Variants in TSSK3 observed in about 807,000 individuals in gnomAD.
TSSK3 encodes testis specific serine kinase 3, also known as testis-specific serine/threonine-protein kinase 3.
TSSK3 carries 16 observed loss-of-function variants against 18.9 expected under a neutral mutation model. The ratio of observed to expected loss-of-function variants is 0.85; its 90% CI spans 0.57 to 1.28. The LOEUF (loss-of-function observed/expected upper bound fraction) is 1.28. Ranked by LOEUF, TSSK3 falls within the 50% of genes most tolerant of loss-of-function variation. The probability of loss-of-function intolerance (pLI) is 0.00; values close to 1 mark genes in which losing one functional copy is unlikely to be tolerated. For synonymous variants in TSSK3, 146 were observed against 133.9 expected (o/e 1.09, Z -0.62); for missense variants, 345 against 341.0 (o/e 1.01, Z -0.09).
At chr1:32,363,349 C>T in intron 1 of TSSK3, 2 of 524,132 alleles carry the variant, frequency 3.8e-6, no homozygotes, top group Non-Finnish European at 6.8e-6. Flanking sequence ...TCCAGTCTCA[C>T]AGACTGCTCA....
rs1170625631 is a variant in TSSK3 at position 32,363,712 on chromosome 1, T to C, written c.263T>C (p.Met88Thr). The part of the protein sequence containing the change: ...ESADGKICLV[M>T]ELAEGGDVFD... ...GCCGACGGGAAAATCTGCCTGGTGATGGAGCTCGCTGAGGGAGGGGATGTC... is the reference window on the plus strand; with the variant it reads ...GCCGACGGGAAAATCTGCCTGGTGACGGAGCTCGCTGAGGGAGGGGATGTC... The change falls in exon 2 of 2, where the codon ATG becomes ACG. Residue 88 changes from methionine (M) to threonine (T), a missense_variant. Coordinates refer to ENST00000373534, the MANE Select transcript of TSSK3 (RefSeq NM_052841.4). 1.2e-6 allele frequency: 2 copies of C among 1,614,042 alleles called. No homozygotes were observed. Among genetic ancestry groups the C allele is most frequent in the Non-Finnish European group, 1.7e-6 (2 of 1,179,998 alleles).
rs1353838384 is a variant in TSSK3, at chr1:32,363,642, C to G, written c.193C>G (p.Leu65Val). ...TCGGGAGCTCCAAATCGTCCGTACC[C>G]TGGACCACAAGAACATCATCCAGGT... is the stretch of plus-strand genomic sequence containing the variant. ...LPRELQIVRT[L>V]DHKNIIQVYE... Residue 65 changes from leucine to valine, a missense_variant, in exon 2 of 2, where the codon CTG becomes GTG. Physicochemically the swap from Leu to Val is conservative, Grantham distance 32. Coordinates refer to ENST00000373534, the MANE Select transcript of TSSK3 (RefSeq NM_052841.4). 1 of 1,614,194 alleles carries G rather than the reference C, an allele frequency of 6.2e-7. No individual in the cohort carries two copies. The highest frequency in any genetic ancestry group is 1.1e-5 in the South Asian group (1 of 91,074).
rs139868073 is a variant in TSSK3, at chr1:32,363,839, G to A, written c.390G>A (p.Val130=). 6 of 1,614,018 alleles carry A rather than the reference G, an allele frequency of 3.7e-6. No individual in the cohort carries two copies. The African/African-American group carries it at 8.0e-5, about 22-fold the overall frequency. ...TCCGCTACTGCCATGGCTGTGGTGTGGCCCACCGGGACCTCAAATGTGAGA... is the reference window on the plus strand; with the variant it reads ...TCCGCTACTGCCATGGCTGTGGTGTAGCCCACCGGGACCTCAAATGTGAGA... ...EAIRYCHGCG[V]AHRDLKCENA... The change falls in exon 2 of 2, where the codon GTG becomes GTA. Residue 130 remains valine (V), a synonymous_variant. Coordinates refer to ENST00000373534, the MANE Select transcript of TSSK3 (RefSeq NM_052841.4).
intron 1 of TSSK3, 93 bp from the exon 2 acceptor site, chr1:32,363,502 C>A: frequency 8.0e-7 from 1 of 1,255,428 alleles, no homozygotes; most frequent in African/African-American, 1.5e-5. Flanking sequence ...AAGACCCAGA[C>A]AAGGTGGGCA....
chr1:32,362,788 CA>C lies in TSSK3; in HGVS notation c.93del (p.Lys31AsnfsTer11), dbSNP rs1268890347. On this transcript the variant is annotated frameshift_variant, in exon 1 of 2. Transcript: ENST00000373534. LOFTEE classifies it high-confidence loss of function. ...ACTCAAAAGTCAAAGAAGCATTTTC[CA>C]AAAAACACCAAAGAAAAGTGGCAAT... Reference protein sequence around the residue: ...TYSKVKEAFSKKHQRKVAIKV... With the variant: ...TYSKVKEAFSXKHQRKVAIKV... 8 of 1,613,936 alleles carry C rather than the reference CA, an allele frequency of 5.0e-6. No individual in the cohort carries two copies. In the Admixed American group the frequency reaches 6.7e-5, roughly 13 times the overall value.
chr1:32,363,796 G>C lies in TSSK3; in HGVS notation c.347G>C (p.Arg116Pro), dbSNP rs774698904. The C allele has an allele frequency of 2.8e-5, 45 of 1,614,104 alleles. No homozygotes were observed. The highest frequency in any genetic ancestry group is 3.7e-5 in the Non-Finnish European group (44 of 1,180,058). The change falls in exon 2 of 2, where the codon CGT becomes CCT. Residue 116 changes from arginine (R) to proline (P), a missense_variant. Physicochemically the swap from Arg to Pro is moderately radical, Grantham distance 103. Transcript: ENST00000373534. ...LPESRAKALFRQMVEAIRYCH... is the reference protein window; with the variant it reads ...LPESRAKALFPQMVEAIRYCH... ...GAAAGCCGGGCCAAGGCCCTCTTCC[G>C]TCAGATGGTTGAGGCCATCCGCTAC... is the stretch of plus-strand genomic sequence containing the variant.
rs1393495244 is a variant in TSSK3 at position 32,363,934 on chromosome 1, A to T, written c.485A>T (p.His162Leu). Residue 162 changes from histidine (H) to leucine (L), a missense_variant, in exon 2 of 2, where the codon CAC becomes CTC. Physicochemically the swap from His to Leu is moderately conservative, Grantham distance 99. Transcript: ENST00000373534. Reference protein sequence around the residue: ...FGFAKVLPKSHRELSQTFCGS... With the variant: ...FGFAKVLPKSLRELSQTFCGS... The stretch of plus-strand genomic sequence containing the variant: ...TTTGCCAAGGTGTTGCCCAAGTCAC[A>T]CCGGGAGCTGAGCCAGACCTTCTGC... 1.9e-6 allele frequency: 3 copies of T among 1,614,226 alleles called. No individual in the cohort carries two copies. The South Asian group carries it at 3.3e-5, about 18-fold the overall frequency.
Position 32,364,149 on chromosome 1 carries a change from A to G in TSSK3, c.700A>G (p.Ile234Val). ...GGTGTCCTTCCCCACTCATCTGAGC[A>G]TCTCGGCCGATTGCCAGGACCTGCT... is the stretch of plus-strand genomic sequence containing the variant. ...KGVSFPTHLS[I>V]SADCQDLLKR... Residue 234 changes from isoleucine to valine, a missense_variant, in exon 2 of 2, where the codon ATC becomes GTC. Physicochemically the swap from Ile to Val is conservative, Grantham distance 29. Transcript: ENST00000373534. The G allele has an allele frequency of 2.0e-5, 32 of 1,614,194 alleles. No individual in the cohort carries two copies. Among genetic ancestry groups the G allele is most frequent in the Non-Finnish European group, 2.5e-5 (30 of 1,180,026 alleles).
chr1:32,364,226 T>C lies in TSSK3; in HGVS notation c.777T>C (p.Val259=). The C allele has an allele frequency of 6.2e-6, 10 of 1,603,044 alleles. No individual in the cohort carries two copies. The highest frequency in any genetic ancestry group is 7.7e-6 in the Non-Finnish European group (9 of 1,171,074). ...TCCTCCGGCCTTCAATTGAAGAAGT[T>C]AGTTGGCATCCATGGCTAGCAAGCA... The part of the protein sequence containing the change: ...DMILRPSIEE[V]SWHPWLAST Residue 259 remains valine, a synonymous_variant, in exon 2 of 2, where the codon GTT becomes GTC. Coordinates refer to ENST00000373534, the MANE Select transcript of TSSK3 (RefSeq NM_052841.4).
intron 1 of TSSK3, 68 bp downstream of exon 1, chr1:32,362,914 T>G: frequency 6.4e-7 from 1 of 1,560,240 alleles, no homozygotes; most frequent in Non-Finnish European, 8.8e-7. Context: ...TTCCTCCTGT[T>G]TGTTAGAACG....
chr1:32,363,199 A>G, intron 1 of TSSK3: 2 of 329,122 alleles, frequency 6.1e-6, no homozygotes, highest in Non-Finnish European at 1.1e-5. Flanking sequence ...GATGGGAAAA[A>G]GGAAGACAGG....
rs1332042052 is a variant in TSSK3 at position 32,363,602 on chromosome 1, CCA to C, written c.154_155del (p.Gln52GlufsTer23). On this transcript the variant is annotated frameshift_variant, in exon 2 of 2. Transcript: ENST00000373534. LOFTEE classifies it high-confidence loss of function. ...CTCCCCTTACTTCCTCAGAGTTTAT[CCA>C]GAGATTCCTCCCTCGGGAGCTCCAA... ...DKMGGPEEFI[Q>X]RFLPRELQIV... is the part of the protein sequence containing the mutation. 6.2e-7 allele frequency: 1 copy of C among 1,609,266 alleles called. No individual in the cohort carries two copies. Among genetic ancestry groups the C allele is most frequent in the East Asian group, 2.2e-5 (1 of 44,780 alleles).
In TSSK3 at chr1:32,364,228, G is replaced by A. The variant is rs746669593; in HGVS notation, c.779G>A (p.Ser260Asn). The A allele has an allele frequency of 4.4e-6, 7 of 1,602,666 alleles. No homozygotes were observed. Among genetic ancestry groups the A allele is most frequent in the Non-Finnish European group, 6.0e-6 (7 of 1,170,822 alleles). Reference sequence around the variant, plus strand: ...CTCCGGCCTTCAATTGAAGAAGTTAGTTGGCATCCATGGCTAGCAAGCACT... The same window carrying A: ...CTCCGGCCTTCAATTGAAGAAGTTAATTGGCATCCATGGCTAGCAAGCACT... ...MILRPSIEEV[S>N]WHPWLAST The change falls in exon 2 of 2, where the codon AGT (serine) becomes AAT (asparagine). Residue 260 changes from serine (S) to asparagine (N), a missense_variant. Transcript: ENST00000373534.
rs1641771859 is a variant in TSSK3 at position 32,364,221 on chromosome 1, G to C, written c.772G>C (p.Glu258Gln). 1.9e-6 allele frequency: 3 copies of C among 1,604,096 alleles called. No homozygotes were observed. The highest frequency in any genetic ancestry group is 2.6e-6 in the Non-Finnish European group (3 of 1,171,822). ...TATGATCCTCCGGCCTTCAATTGAA[G>C]AAGTTAGTTGGCATCCATGGCTAGC... ...PDMILRPSIE[E>Q]VSWHPWLAST The change falls in exon 2 of 2, where the codon GAA (glutamate) becomes CAA (glutamine). Residue 258 changes from glutamate to glutamine, a missense_variant. Glu to Gln is a conservative substitution (Grantham distance 29). Coordinates refer to ENST00000373534, the MANE Select transcript of TSSK3 (RefSeq NM_052841.4).
chr1:32,363,462 C>A, intron 1 of TSSK3, 133 bp from the exon 2 acceptor site: 1 of 805,338 alleles, frequency 1.2e-6, no homozygotes, highest in Non-Finnish European at 1.9e-6. Flanking sequence ...CAGCTAGACA[C>A]ACTTAAGACC....
chr1:32,363,190 A>T (rs1641739851), intron 1 of TSSK3: 1 of 334,386 alleles, frequency 3.0e-6, no homozygotes, highest in African/African-American at 2.1e-5. Flanking sequence ...GCCCGTGGAG[A>T]TGGGAAAAAG....
At chr1:32,363,290 A>G (rs1036016888) in intron 1 of TSSK3, 3 of 399,914 alleles carry the variant, frequency 7.5e-6, no homozygotes, top group Admixed American at 8.0e-5. Context: ...CAGGCCTTAT[A>G]ATTTGTGATT....
Position 32,363,963 on chromosome 1 carries a change from A to C in TSSK3, c.514A>C (p.Ser172Arg). ...GGAGCTGAGCCAGACCTTCTGCGGCAGTACAGCCTATGCTGCCCCCGAGGT... is the reference window on the plus strand; with the variant it reads ...GGAGCTGAGCCAGACCTTCTGCGGCCGTACAGCCTATGCTGCCCCCGAGGT... ...HRELSQTFCG[S>R]TAYAAPEVLQ... Residue 172 changes from serine to arginine, a missense_variant, in exon 2 of 2, where the codon AGT becomes CGT. Transcript: ENST00000373534. 2 of 1,614,272 alleles carry C rather than the reference A, an allele frequency of 1.2e-6. No homozygotes were observed. Among genetic ancestry groups the C allele is most frequent in the Non-Finnish European group, 1.7e-6 (2 of 1,180,048 alleles).
intron 1 of TSSK3, 79 bp downstream of exon 1, chr1:32,362,925 A>G: frequency 6.6e-7 from 1 of 1,513,858 alleles, no homozygotes; most frequent in Admixed American, 1.7e-5. Flanking sequence ...TGTTAGAACG[A>G]TCATTCGATC....
Sources: gnomAD v4.1 joint callset for allele counts on GRCh38, gnomAD v4.1.1 for gene constraint, MANE v1.5 for transcripts, NCBI Gene and HGNC (gene_info 2026-07-23, HGNC 2026-07-21) for gene names.